The following ST3GAL3 variants were observed in gnomAD, a reference collection of about 807,000 sequenced individuals.
ST3GAL3 encodes the protein CMP-N-acetylneuraminate-beta-1,4-galactoside alpha-2,3-sialyltransferase.
A neutral mutation model predicts 50.1 loss-of-function variants in ST3GAL3; 21 were observed. That is an observed-to-expected ratio of 0.42 (90% confidence interval 0.30 to 0.60). ST3GAL3 has a LOEUF of 0.60. ST3GAL3 is among the 20% of genes least tolerant of loss of function. The pLI, the probability that ST3GAL3 is intolerant of heterozygous loss-of-function variation, is 0.19. For synonymous variants in ST3GAL3, 183 were observed against 190.0 expected (o/e 0.96, Z 0.30); for missense variants, 353 against 489.4 (o/e 0.72, Z 2.63).
In ST3GAL3 at chr1:43,930,528, GT is replaced by G; in HGVS notation, c.*308del. ...GCTGCCGGAATCACTTCTCCAATCA[GT>G]GTTTGGTGTATTATCATTTTGTGAA... On this transcript the variant is annotated 3_prime_UTR_variant, in exon 12 of 12. Transcript: ENST00000347631. 2.0e-6 allele frequency: 1 copy of G among 500,334 alleles called. No individual in the cohort carries two copies. Among genetic ancestry groups the G allele is most frequent in the South Asian group, 2.1e-5 (1 of 47,732 alleles). 31.0% of individuals were successfully genotyped at this position (500,334 alleles called of 1,614,324 possible). A position where few individuals can be genotyped will look rare whatever the true frequency, so the allele number is the denominator to read the frequency against.
intron 9 of ST3GAL3, among the ~76,000 whole-genome samples, chr1:43,917,515 A>ATT (rs2082105978): frequency 2.8e-5 from 2 of 72,190 alleles, no homozygotes; most frequent in African/African-American, 9.9e-5. Context: ...TATATAATAT[A>ATT]ATATATATTA....
intron 1 of ST3GAL3, among the ~76,000 whole-genome samples, chr1:43,709,795 C>T (rs182402422): frequency 2.6e-5 from 4 of 152,028 alleles, no homozygotes; most frequent in Non-Finnish European, 2.9e-5. Context: ...TGCAATGAGC[C>T]GAGATCGCGC....
chr1:43,762,517 G>A lies in ST3GAL3; in HGVS notation c.118+26137G>A, dbSNP rs192794671. 9.2e-5 allele frequency among the ~76,000 whole-genome samples: 14 copies of A among 152,164 alleles called. 1 individual carries two copies. The East Asian group carries it at 2.7e-3, about 29-fold the overall frequency. On this transcript the variant is annotated intron_variant, in intron 2 of 11. Transcript: ENST00000347631. ...TGCCTGGCAAAGAATTCAACTATAG[G>A]TTGAAAAGTGTTGGGGGCCACAGTT...
At chr1:43,892,302 G>C (rs1283396354) in intron 5 of ST3GAL3, among the ~76,000 whole-genome samples, 1 of 151,962 alleles carries the variant, frequency 6.6e-6, no homozygotes. Flanking sequence ...CTGTCACCCA[G>C]GCTGGAGTGC....
intron 5 of ST3GAL3, among the ~76,000 whole-genome samples, chr1:43,873,324 T>C (rs1333229193): frequency 6.6e-6 from 1 of 152,156 alleles, no homozygotes; most frequent in Non-Finnish European, 1.5e-5. Flanking sequence ...GAGAGTAATT[T>C]AGGCCAACTA....
At chr1:43,927,602 T>A (rs1271075722) in intron 11 of ST3GAL3, among the ~76,000 whole-genome samples, 1 of 152,142 alleles carries the variant, frequency 6.6e-6, no homozygotes, top group Non-Finnish European at 1.5e-5. Context: ...CCTGGCCTTG[T>A]CTTTCCTCCA....
At chr1:43,813,903 GCACACACACACACACACA>G (rs57672840) in intron 3 of ST3GAL3, among the ~76,000 whole-genome samples, 4 of 125,774 alleles carry the variant, frequency 3.2e-5, no homozygotes, top group Admixed American at 7.5e-5. Context: ...ACGCACACAC[GCACACACACACACACACA>G]CACACACACA....
At chr1:43,913,350 A>G (rs918596480) in intron 9 of ST3GAL3, 4 of 152,192 alleles carry the variant, frequency 2.6e-5, no homozygotes, top group African/African-American at 4.8e-5. Context: ...CCTTACAGCT[A>G]TCTGGGAAGT....
intron 4 of ST3GAL3, among the ~76,000 whole-genome samples, chr1:43,823,609 G>T (rs1255334400): frequency 6.6e-6 from 1 of 151,976 alleles, no homozygotes; most frequent in African/African-American, 2.4e-5. Flanking sequence ...TTTCTCCAGG[G>T]TATCTATCAC....
At chr1:43,814,109 G>A (rs899395649) in intron 3 of ST3GAL3, among the ~76,000 whole-genome samples, 2 of 152,058 alleles carry the variant, frequency 1.3e-5, no homozygotes, top group Non-Finnish European at 2.9e-5. Flanking sequence ...AGTGCTTTGC[G>A]CTTAGTTTTA....
intron 4 of ST3GAL3, among the ~76,000 whole-genome samples, chr1:43,835,836 G>C (rs2064236882): frequency 6.6e-6 from 1 of 152,198 alleles, no homozygotes. Flanking sequence ...GTGGGGACTG[G>C]GGACAGGACA....
chr1:43,790,060 A>G (rs1572904014), intron 2 of ST3GAL3, among the ~76,000 whole-genome samples: 1 of 152,152 alleles, frequency 6.6e-6, no homozygotes, highest in South Asian at 2.1e-4. Context: ...AGTACAGAGT[A>G]CCTGCCTCAG....
At chr1:43,923,132 G>C (rs2083336797) in intron 11 of ST3GAL3, among the ~76,000 whole-genome samples, 2 of 151,976 alleles carry the variant, frequency 1.3e-5, no homozygotes, top group African/African-American at 2.4e-5. Context: ...TGGGAGCGCT[G>C]GTGTGCGCAT....
intron 5 of ST3GAL3, among the ~76,000 whole-genome samples, chr1:43,876,177 T>C (rs2074082867): frequency 6.6e-6 from 1 of 152,086 alleles, no homozygotes; most frequent in African/African-American, 2.4e-5. Flanking sequence ...TTGCTCAGGC[T>C]GATCTCAAAC....
At chr1:43,748,450 C>T (rs1396099231) in intron 2 of ST3GAL3, among the ~76,000 whole-genome samples, 2 of 118,762 alleles carry the variant, frequency 1.7e-5, no homozygotes, top group African/African-American at 6.7e-5. Context: ...TTTTTTTGAG[C>T]CAGAGTCTGG....
At chr1:43,911,629 A>G (rs71518480) in intron 9 of ST3GAL3, among the ~76,000 whole-genome samples, 7 of 126,204 alleles carry the variant, frequency 5.5e-5, no homozygotes, top group African/African-American at 2.4e-4. Flanking sequence ...ATATCTATAG[A>G]TATCTATATC....
At chr1:43,796,134 G>A (rs972981116) in intron 3 of ST3GAL3, among the ~76,000 whole-genome samples, 1 of 152,188 alleles carries the variant, frequency 6.6e-6, no homozygotes, top group Non-Finnish European at 1.5e-5. Flanking sequence ...CTGAGAGAGA[G>A]GAACTTTCCT....
intron 2 of ST3GAL3, among the ~76,000 whole-genome samples, chr1:43,765,529 T>C (rs1692231282): frequency 6.6e-6 from 1 of 152,082 alleles, no homozygotes; most frequent in South Asian, 2.1e-4. Flanking sequence ...CTTCTAAAAC[T>C]GTATGTTTTA....
chr1:43,770,960 G>A (rs1228154039), intron 2 of ST3GAL3, among the ~76,000 whole-genome samples: 1 of 152,172 alleles, frequency 6.6e-6, no homozygotes, highest in African/African-American at 2.4e-5. Flanking sequence ...TCTGATCTCT[G>A]ACTGTCTTTA....
Sources: allele counts gnomAD v4.1 joint callset (sites outside exome capture counted in the v4.1 genomes callset), GRCh38; gene constraint gnomAD v4.1.1; transcripts MANE v1.5; gene names NCBI Gene and HGNC (gene_info 2026-07-23, HGNC 2026-07-21).